Variants in CATSPERB observed in about 807,000 individuals in gnomAD.
CATSPERB encodes cation channel sperm-associated auxiliary subunit beta.
A neutral mutation model predicts 128.3 loss-of-function variants in CATSPERB; 93 were observed. The observed-to-expected ratio is 0.72, with a 90% CI of 0.61 to 0.86. The LOEUF (loss-of-function observed/expected upper bound fraction) is 0.86. Among genes scored for constraint, CATSPERB ranks in the 40% least tolerant of loss-of-function variants. The pLI, the probability that CATSPERB is intolerant of heterozygous loss-of-function variation, is 0.00. For synonymous variants in CATSPERB, 381 were observed against 448.8 expected (o/e 0.85, Z 1.91); for missense variants, 1,153 against 1,329.5 (o/e 0.87, Z 2.06).
At chr14:91,699,071 T>C (rs990846860) in intron 7 of CATSPERB, among the ~76,000 whole-genome samples, 2 of 152,250 alleles carry the variant, frequency 1.3e-5, no homozygotes, top group African/African-American at 4.8e-5. Flanking sequence ...TTCCATGGTA[T>C]ATGTATGCCA....
At chr14:91,675,236 T>C (rs1197668227) in intron 11 of CATSPERB, among the ~76,000 whole-genome samples, 1 of 152,210 alleles carries the variant, frequency 6.6e-6, no homozygotes, top group Non-Finnish European at 1.5e-5. Context: ...TGCTCATGAA[T>C]ATTAGCTGCT....
At chr14:91,687,073 A>C (rs1170224273) in intron 10 of CATSPERB, among the ~76,000 whole-genome samples, 1 of 152,168 alleles carries the variant, frequency 6.6e-6, no homozygotes, top group African/African-American at 2.4e-5. Flanking sequence ...TATATTCATT[A>C]TATTCATAAT....
intron 11 of CATSPERB, among the ~76,000 whole-genome samples, chr14:91,678,893 T>C (rs6575209): frequency 0.21 from 32,353 of 152,138 alleles, 3,788 homozygotes; most frequent in Non-Finnish European, 0.26. Context: ...AAAATGCCCA[T>C]GTGTTTAACT....
intron 18 of CATSPERB, among the ~76,000 whole-genome samples, chr14:91,622,279 G>A (rs1258632522): frequency 6.6e-6 from 1 of 152,024 alleles, no homozygotes; most frequent in Non-Finnish European, 1.5e-5. Flanking sequence ...TTCTACAAGA[G>A]AAGGATAATG....
At chr14:91,614,839 A>AT (rs1188595600) in intron 20 of CATSPERB, among the ~76,000 whole-genome samples, 2 of 151,992 alleles carry the variant, frequency 1.3e-5, no homozygotes, top group Non-Finnish European at 2.9e-5. Flanking sequence ...AATTAAGCAT[A>AT]TTTTTTTCCT....
At chr14:91,675,781 C>T (rs1895182566) in intron 11 of CATSPERB, among the ~76,000 whole-genome samples, 1 of 152,260 alleles carries the variant, frequency 6.6e-6, no homozygotes, top group Non-Finnish European at 1.5e-5. Flanking sequence ...AGGGATCCAA[C>T]CCTGAAGTAG....
At chr14:91,707,887 A>T (rs188706073) in intron 6 of CATSPERB, among the ~76,000 whole-genome samples, 71 of 151,744 alleles carry the variant, frequency 4.7e-4, no homozygotes, top group African/African-American at 1.6e-3. Flanking sequence ...GATTACAGGC[A>T]TGAGCCACCA....
At position 91,617,582 on chromosome 14, in the gene CATSPERB, T is replaced by C. The variant is rs779747044; in HGVS notation, c.2400+15A>G. ...TCATCAGTAAGAAATGTTTTGTAAA[T>C]GAAGAAAATCCTACCTGATGTAAAA... On this transcript the variant is annotated intron_variant, in intron 20 of 26. Coordinates refer to ENST00000256343, the MANE Select transcript of CATSPERB (RefSeq NM_024764.4). The C allele has an allele frequency of 3.8e-6, 6 of 1,559,742 alleles. No homozygotes were observed. The Admixed American group carries it at 1.1e-4, about 30-fold the overall frequency.
At chr14:91,616,796 C>T (rs1444038869) in intron 20 of CATSPERB, among the ~76,000 whole-genome samples, 7 of 123,028 alleles carry the variant, frequency 5.7e-5, no homozygotes, top group African/African-American at 1.9e-4. Flanking sequence ...GGCTGGAGTG[C>T]AATGGCACGA....
chr14:91,599,769 G>T (rs1222684763), intron 22 of CATSPERB, among the ~76,000 whole-genome samples: 2 of 152,070 alleles, frequency 1.3e-5, no homozygotes, highest in African/African-American at 4.8e-5. Context: ...AGACTCAAGT[G>T]GGGAGGGAGC....
At chr14:91,626,359 C>CTTTTTT (rs71120179) in intron 17 of CATSPERB, among the ~76,000 whole-genome samples, 9 of 76,864 alleles carry the variant, frequency 1.2e-4, no homozygotes, top group Non-Finnish European at 1.8e-4. Flanking sequence ...AGAGGTGGGA[C>CTTTTTT]TTTTTTTTTT....
chr14:91,658,730 A>ATCCCAGCACTTTGGGAGGCCGAGGC (rs1894828126), intron 15 of CATSPERB, among the ~76,000 whole-genome samples: 1 of 21,158 alleles, frequency 4.7e-5, no homozygotes, highest in Non-Finnish European at 1.1e-4. Flanking sequence ...AGGGAAGAGA[A>ATCCCAGCACTTTGGGAGGCCGAGGC]GGAAGAAACT....
In CATSPERB at chr14:91,693,461, G is replaced by T. The variant is rs750926678; in HGVS notation, c.635C>A (p.Thr212Asn). Residue 212 changes from threonine (T) to asparagine (N), a missense_variant, in exon 8 of 27, where the codon ACC becomes AAC. Thr to Asn is a moderately conservative substitution (Grantham distance 65). Transcript: ENST00000256343. ...ATAATCATGCCAGAATCCACCAAAG[G>T]TTATGCCTATGTAAACACCTACCAT... Reference protein sequence around the residue: ...TIVDGVYIGITFGGFWHDYDT... With the variant: ...TIVDGVYIGINFGGFWHDYDT... 4 of 1,613,678 alleles carry T rather than the reference G, an allele frequency of 2.5e-6. No homozygotes were observed. Among genetic ancestry groups the T allele is most frequent in the Admixed American group, 3.3e-5 (2 of 59,962 alleles).
chr14:91,698,548 T>C (rs1895599069), intron 7 of CATSPERB, among the ~76,000 whole-genome samples: 1 of 152,180 alleles, frequency 6.6e-6, no homozygotes, highest in African/African-American at 2.4e-5. Context: ...ATGTCTCCTA[T>C]TATTTTGAGG....
intron 21 of CATSPERB, 147 bp downstream of exon 21, chr14:91,610,333 C>T: frequency 3.2e-6 from 2 of 631,320 alleles, no homozygotes; most frequent in South Asian, 4.2e-5. Flanking sequence ...ATCATCACAT[C>T]CTCAAAATGA....
intron 17 of CATSPERB, 108 bp downstream of exon 17, chr14:91,636,317 C>A: frequency 1.0e-6 from 1 of 957,442 alleles, no homozygotes. Context: ...GAGCTGTCAT[C>A]GCACTACTGC....
Position 91,723,066 on chromosome 14 carries a change from G to T in CATSPERB, c.292C>A (p.His98Asn). ...IMNSTYNGIF[H>N]FNLTLFSDRI... ...GTAATTACCAACGTTAAATTAAAGT[G>T]GAAGATGCCATTATATGTACTATTC... Residue 98 changes from histidine (H) to asparagine (N), a missense_variant, in exon 4 of 27, where the codon CAC (histidine) becomes AAC (asparagine). By Grantham distance (68) the His-to-Asn change is moderately conservative. Coordinates refer to ENST00000256343, the MANE Select transcript of CATSPERB (RefSeq NM_024764.4). The T allele has an allele frequency of 6.6e-7, 1 of 1,505,620 alleles. No individual in the cohort carries two copies. Among genetic ancestry groups the T allele is most frequent in the South Asian group, 1.4e-5 (1 of 69,654 alleles). The allele number at this position is 1,505,620 out of a possible 1,614,324, so 93.3% of individuals were successfully genotyped here.
intron 17 of CATSPERB, among the ~76,000 whole-genome samples, chr14:91,630,113 T>C (rs140114626): frequency 6.6e-6 from 1 of 152,318 alleles, no homozygotes; most frequent in East Asian, 1.9e-4. Flanking sequence ...GTCACATCTT[T>C]ATTCTTATTT....
chr14:91,661,917 T>C (rs117679946), intron 14 of CATSPERB, among the ~76,000 whole-genome samples: 2,244 of 152,284 alleles, frequency 0.015, 33 homozygotes, highest in South Asian at 0.048. Context: ...GAGTATCTGT[T>C]TCCCCAAACC....
Sources: gnomAD v4.1 joint callset for allele counts (sites outside exome capture counted in the v4.1 genomes callset) on GRCh38, gnomAD v4.1.1 for gene constraint, MANE v1.5 for transcripts, NCBI Gene and HGNC (gene_info 2026-07-23, HGNC 2026-07-21) for gene names.